FGF12: variants seen among roughly 807,000 people sequenced by gnomAD.
FGF12 encodes the protein fibroblast growth factor 12B.
Under a neutral mutation model 23.6 loss-of-function variants are expected in FGF12, and 14 were observed. The observed-to-expected ratio is 0.59, with a 90% CI of 0.39 to 0.93. FGF12 has a LOEUF of 0.93. FGF12 is among the 40% of genes least tolerant of loss of function. The pLI is 0.00. For synonymous variants in FGF12, 62 were observed against 77.3 expected, an observed-to-expected ratio of 0.80 and a Z score of 1.04; for missense variants, 175 against 217.8, an observed-to-expected ratio of 0.80 and a Z score of 1.24.
intron 2 of FGF12, among the ~76,000 whole-genome samples, chr3:192,576,419 C>T (rs2108610044): frequency 6.6e-6 from 1 of 152,180 alleles, no homozygotes; most frequent in East Asian, 1.9e-4. Context: ...CTAAATCTTG[C>T]ACATTTTCCA....
At chr3:192,363,385 CCCCTGTTGGAG>C (rs775400951) in intron 2 of FGF12, among the ~76,000 whole-genome samples, 8 of 152,124 alleles carry the variant, frequency 5.3e-5, no homozygotes, top group Non-Finnish European at 1.2e-4. Flanking sequence ...GTGGAGCCAT[CCCCTGTTGGAG>C]CCCTGGGAAT....
At chr3:192,685,234 G>A (rs1717689258) in intron 2 of FGF12, among the ~76,000 whole-genome samples, 1 of 152,010 alleles carries the variant, frequency 6.6e-6, no homozygotes. Context: ...TGTATTTTTA[G>A]TAGAGATGGG....
intron 2 of FGF12, among the ~76,000 whole-genome samples, chr3:192,627,161 C>T (rs964047103): frequency 6.6e-6 from 1 of 152,032 alleles, no homozygotes; most frequent in Admixed American, 6.6e-5. Flanking sequence ...TAGCAATTCA[C>T]CCAATATCAC....
rs542221387 is a variant in FGF12, at chr3:192,526,373, C to T, written c.14-165835G>A. ...AACTAATATATTATTACAACTGTAA[C>T]GGCTGCAAAAGTGGAGAAGTACATG... On this transcript the variant is annotated intron_variant, in intron 2 of 5. Coordinates refer to ENST00000445105, the MANE Select transcript of FGF12 (RefSeq NM_004113.6). Among the ~76,000 whole-genome samples the T allele has an allele frequency of 4.6e-5, 7 of 152,218 alleles. No individual in the cohort carries two copies. The South Asian group carries it at 8.3e-4, about 18-fold the overall frequency.
chr3:192,188,974 C>T (rs1560184891), intron 4 of FGF12, among the ~76,000 whole-genome samples: 1 of 152,170 alleles, frequency 6.6e-6, no homozygotes, highest in African/African-American at 2.4e-5. Context: ...ATCTTCATTC[C>T]TCTGTCTAAG....
chr3:192,567,370 T>C (rs940503934), intron 2 of FGF12, among the ~76,000 whole-genome samples: 1 of 152,074 alleles, frequency 6.6e-6, no homozygotes, highest in African/African-American at 2.4e-5. Flanking sequence ...AGGGAAAAGA[T>C]AAGGAAAGGG....
At position 192,140,448 on chromosome 3, in the gene FGF12, T is replaced by C. The variant is rs190523128; in HGVS notation, c.*3561A>G. The C allele has an allele frequency of 1.3e-5, 2 of 152,150 alleles. No individual in the cohort carries two copies. The highest frequency in any genetic ancestry group is 1.9e-4 in the East Asian group (1 of 5,174). 9.4% of individuals were successfully genotyped at this position (152,150 alleles called of 1,614,324 possible). ...GAGGGTGAAATCGATTTGCTATTTC[T>C]GGGTCTATGTTTTTAAAAAATTACT... On this transcript the variant is annotated 3_prime_UTR_variant, in exon 6 of 6. Coordinates refer to ENST00000445105, the MANE Select transcript of FGF12 (RefSeq NM_004113.6).
intron 2 of FGF12, among the ~76,000 whole-genome samples, chr3:192,498,647 G>A (rs975246323): frequency 6.6e-6 from 1 of 150,924 alleles, no homozygotes; most frequent in African/African-American, 2.4e-5. Flanking sequence ...TAGGTCCTAG[G>A]AATTAAACCC....
At chr3:192,388,164 G>C (rs536580587) in intron 2 of FGF12, among the ~76,000 whole-genome samples, 1 of 152,080 alleles carries the variant, frequency 6.6e-6, no homozygotes, top group Non-Finnish European at 1.5e-5. Flanking sequence ...GGGAGGTTGA[G>C]GCAGGAGGAT....
chr3:192,442,726 C>T (rs1010225884), intron 2 of FGF12, among the ~76,000 whole-genome samples: 2 of 152,004 alleles, frequency 1.3e-5, no homozygotes, highest in African/African-American at 4.8e-5. Flanking sequence ...CAAAATAATG[C>T]TGCCTGGTAA....
At chr3:192,541,896 A>G (rs1402941868) in intron 2 of FGF12, among the ~76,000 whole-genome samples, 1 of 151,992 alleles carries the variant, frequency 6.6e-6, no homozygotes, top group Non-Finnish European at 1.5e-5. Context: ...GCTACCAGAT[A>G]TATTGAAGCT....
At chr3:192,363,108 AG>A (rs1718810784) in intron 2 of FGF12, among the ~76,000 whole-genome samples, 1 of 144,656 alleles carries the variant, frequency 6.9e-6, no homozygotes. Flanking sequence ...GGGAGGGGGG[AG>A]GGATAGCATT....
intron 2 of FGF12, among the ~76,000 whole-genome samples, chr3:192,607,062 T>G (rs1714366116): frequency 6.6e-6 from 1 of 152,124 alleles, no homozygotes; most frequent in Non-Finnish European, 1.5e-5. Flanking sequence ...TCAGTCACAA[T>G]TTTACCATTT....
chr3:192,444,378 G>C (rs377168128), intron 2 of FGF12, among the ~76,000 whole-genome samples: 1 of 152,142 alleles, frequency 6.6e-6, no homozygotes, highest in African/African-American at 2.4e-5. Flanking sequence ...AGGATTCCAT[G>C]CTTTTGACTC....
chr3:192,302,185 T>A (rs757666629), intron 4 of FGF12, among the ~76,000 whole-genome samples: 5 of 152,150 alleles, frequency 3.3e-5, no homozygotes, highest in South Asian at 2.1e-4. Flanking sequence ...TGGGTGGCCT[T>A]AGGCAGGTCA....
At chr3:192,474,897 A>AAG (rs1723274712) in intron 2 of FGF12, among the ~76,000 whole-genome samples, 1 of 149,188 alleles carries the variant, frequency 6.7e-6, no homozygotes, top group African/African-American at 2.6e-5. Context: ...AAAAAAAAAA[A>AAG]AAAGAAAGAA....
intron 2 of FGF12, among the ~76,000 whole-genome samples, chr3:192,624,225 T>A (rs780941226): frequency 4.6e-5 from 7 of 151,790 alleles, no homozygotes; most frequent in Non-Finnish European, 7.4e-5. Flanking sequence ...TGAAACTGAA[T>A]GAAAAACTAA....
At chr3:192,331,180 G>A (rs1413789780) in intron 4 of FGF12, among the ~76,000 whole-genome samples, 1 of 151,954 alleles carries the variant, frequency 6.6e-6, no homozygotes, top group Non-Finnish European at 1.5e-5. Context: ...ACACCTGTTA[G>A]GATGGCCACT....
chr3:192,300,151 C>T (rs375352627), intron 4 of FGF12, among the ~76,000 whole-genome samples: 9 of 152,164 alleles, frequency 5.9e-5, no homozygotes, highest in African/African-American at 1.4e-4. Context: ...ACACTGGTAT[C>T]GCTGCTAATA....
Sources: gnomAD v4.1 joint callset for allele counts (sites outside exome capture counted in the v4.1 genomes callset) on GRCh38, gnomAD v4.1.1 for gene constraint, MANE v1.5 for transcripts, NCBI Gene and HGNC (gene_info 2026-07-23, HGNC 2026-07-21) for gene names.